Variants in ATP8A1 observed in about 807,000 individuals in gnomAD.
The protein encoded by ATP8A1 is ATPase phospholipid transporting 8A1, also known as phospholipid-transporting ATPase IA.
A neutral mutation model predicts 177.7 loss-of-function variants in ATP8A1; 90 were observed. The ratio of observed to expected loss-of-function variants is 0.51; its 90% confidence interval spans 0.43 to 0.60. The LOEUF (loss-of-function observed/expected upper bound fraction) is 0.60. Among genes scored for constraint, ATP8A1 ranks in the 20% least tolerant of loss-of-function variants. The probability of loss-of-function intolerance (pLI) is 0.00; values close to 1 mark genes in which losing one functional copy is unlikely to be tolerated. For synonymous variants in ATP8A1, 493 were observed against 485.9 expected, an observed-to-expected ratio of 1.01 and a Z score of -0.19; for missense variants, 1,072 against 1,392.8, an observed-to-expected ratio of 0.77 and a Z score of 3.67.
At chr4:42,420,213 C>G (rs1166129123) in intron 35 of ATP8A1, among the ~76,000 whole-genome samples, 3 of 152,298 alleles carry the variant, frequency 2.0e-5, no homozygotes, top group Middle Eastern at 3.4e-3. Context: ...CCTCCCTCCT[C>G]CGGGCACCTG....
At chr4:42,651,576 C>T (rs1741101847) in intron 1 of ATP8A1, among the ~76,000 whole-genome samples, 1 of 152,198 alleles carries the variant, frequency 6.6e-6, no homozygotes, top group Admixed American at 6.5e-5. Flanking sequence ...GGTAATGTGT[C>T]CAGCTGGAAA....
intron 36 of ATP8A1, 29 bp from the exon 37 acceptor site, chr4:42,413,042 T>C (rs1418134915): frequency 6.3e-7 from 1 of 1,592,432 alleles, no homozygotes; most frequent in South Asian, 1.1e-5. Flanking sequence ...ACAGAAATTC[T>C]CACAAAGGCA....
chr4:42,517,224 C>T (rs948627493), intron 22 of ATP8A1, among the ~76,000 whole-genome samples: 5 of 151,216 alleles, frequency 3.3e-5, no homozygotes, highest in East Asian at 3.9e-4. Context: ...TCGCTTGAAC[C>T]CAGGAGGCGG....
chr4:42,472,273 A>G (rs559198777), intron 25 of ATP8A1: 2 of 551,716 alleles, frequency 3.6e-6, no homozygotes, highest in Non-Finnish European at 7.1e-6. Flanking sequence ...TCATTTGGAC[A>G]AAGCATAGGA....
chr4:42,512,215 A>T (rs1047583316), intron 22 of ATP8A1, among the ~76,000 whole-genome samples: 1 of 152,234 alleles, frequency 6.6e-6, no homozygotes, highest in Non-Finnish European at 1.5e-5. Context: ...ATACATACCC[A>T]AGGAAGCAAA....
rs1283899991 is a variant in ATP8A1 at position 42,472,441 on chromosome 4, G to A, written c.2325-7365C>T. The stretch of plus-strand genomic sequence containing the variant: ...AAAAAGGTAGTGGAACCAAATAAAT[G>A]GAAATGTTACAAGAAAGAGAAATTT... On this transcript the variant is annotated intron_variant, in intron 25 of 36. Coordinates refer to ENST00000381668, the MANE Select transcript of ATP8A1 (RefSeq NM_006095.2). 8 of 315,672 alleles carry A rather than the reference G, an allele frequency of 2.5e-5. No individual in the cohort carries two copies. In the East Asian group the frequency reaches 4.2e-4, roughly 16 times the overall value. The allele number at this position is 315,672 out of a possible 1,614,324, so 19.6% of individuals were successfully genotyped here.
chr4:42,525,423 A>G (rs1200102230), intron 20 of ATP8A1, among the ~76,000 whole-genome samples: 1 of 152,198 alleles, frequency 6.6e-6, no homozygotes. Context: ...TACAGGACTA[A>G]ATCCACTGAG....
intron 14 of ATP8A1, among the ~76,000 whole-genome samples, chr4:42,569,659 C>CA (rs1328089926): frequency 2.6e-5 from 4 of 152,120 alleles, no homozygotes; most frequent in African/African-American, 9.7e-5. Context: ...TTGGCTACCA[C>CA]GAGATGATGG....
At chr4:42,578,663 T>G (rs564123929) in intron 11 of ATP8A1, among the ~76,000 whole-genome samples, 1 of 152,252 alleles carries the variant, frequency 6.6e-6, no homozygotes, top group South Asian at 2.1e-4. Context: ...ACACAAAGTT[T>G]AGAGACATCA....
At chr4:42,526,471 C>G (rs954286402) in intron 20 of ATP8A1, among the ~76,000 whole-genome samples, 11 of 152,092 alleles carry the variant, frequency 7.2e-5, no homozygotes, top group Non-Finnish European at 1.5e-5. Flanking sequence ...CAGACCCACC[C>G]TTAATCTGGG....
chr4:42,596,498 T>C (rs1454972382), intron 6 of ATP8A1, among the ~76,000 whole-genome samples: 1 of 151,682 alleles, frequency 6.6e-6, no homozygotes. Flanking sequence ...GGCGAAACCC[T>C]GTCTCTACCA....
chr4:42,601,586 G>T (rs1310066842), intron 5 of ATP8A1, among the ~76,000 whole-genome samples: 1 of 152,098 alleles, frequency 6.6e-6, no homozygotes, highest in African/African-American at 2.4e-5. Context: ...AAGAGAGTAT[G>T]TGAGGTAGCC....
intron 24 of ATP8A1, among the ~76,000 whole-genome samples, chr4:42,488,952 T>G (rs1406950526): frequency 6.6e-6 from 1 of 152,218 alleles, no homozygotes; most frequent in African/African-American, 2.4e-5. Flanking sequence ...AATGAGAGCA[T>G]TGATAAATTC....
intron 7 of ATP8A1, chr4:42,588,596 T>C (rs1207744583): frequency 1.3e-5 from 4 of 313,060 alleles, no homozygotes; most frequent in Non-Finnish European, 2.4e-5. Flanking sequence ...TGCAAATGAA[T>C]AGATTTGCAC....
chr4:42,420,401 G>C (rs1327684320), intron 35 of ATP8A1, among the ~76,000 whole-genome samples: 7 of 152,198 alleles, frequency 4.6e-5, no homozygotes, highest in Non-Finnish European at 8.8e-5. Context: ...GCAAATGAGC[G>C]AGGCAGCAGC....
intron 33 of ATP8A1, among the ~76,000 whole-genome samples, chr4:42,437,161 A>G (rs907553589): frequency 6.6e-6 from 1 of 152,228 alleles, no homozygotes; most frequent in African/African-American, 2.4e-5. Context: ...CTGCAATGCC[A>G]CAATAAATTT....
At chr4:42,458,603 G>A (rs545437191) in intron 27 of ATP8A1, among the ~76,000 whole-genome samples, 22 of 152,330 alleles carry the variant, frequency 1.4e-4, no homozygotes, top group African/African-American at 5.1e-4. Context: ...TGCCAAATCT[G>A]TATTCGTCTG....
At chr4:42,656,015 AAAT>A (rs1741572654) in intron 1 of ATP8A1, among the ~76,000 whole-genome samples, 1 of 152,240 alleles carries the variant, frequency 6.6e-6, no homozygotes, top group South Asian at 2.1e-4. Context: ...GAGCAAAATC[AAAT>A]AATATTTACA....
chr4:42,539,395 A>ACCC (rs59861092), intron 20 of ATP8A1, among the ~76,000 whole-genome samples: 66 of 130,192 alleles, frequency 5.1e-4, no homozygotes, highest in South Asian at 1.5e-3. Flanking sequence ...AAAATAAAAT[A>ACCC]CCCCCCCCCC....
Sources: allele counts gnomAD v4.1 joint callset (sites outside exome capture counted in the v4.1 genomes callset), GRCh38; gene constraint gnomAD v4.1.1; transcripts MANE v1.5; gene names NCBI Gene and HGNC (gene_info 2026-07-23, HGNC 2026-07-21).